Variants in GPBP1 observed in about 807,000 individuals in gnomAD.
The protein encoded by GPBP1 is GC-rich promoter binding protein 1.
In GPBP1, 13 loss-of-function variants were observed where a neutral mutation model predicts 56.5. The ratio of observed to expected loss-of-function variants is 0.23; its 90% CI spans 0.15 to 0.37. The LOEUF (loss-of-function observed/expected upper bound fraction) is 0.37, where lower values mean the gene tolerates loss of function less well. GPBP1 is among the 10% of genes least tolerant of loss of function. The probability of loss-of-function intolerance (pLI) is 1.00; values close to 1 mark genes in which losing one functional copy is unlikely to be tolerated. For missense variants in GPBP1, 477 were observed against 572.3 expected, an observed-to-expected ratio of 0.83 and a Z score of 1.70; for synonymous variants, 204 against 188.9, an observed-to-expected ratio of 1.08 and a Z score of -0.66.
At chr5:57,249,725 C>G in intron 9 of GPBP1, 149 bp downstream of exon 9, 1 of 530,292 alleles carries the variant, frequency 1.9e-6, no homozygotes, top group South Asian at 3.1e-5. Context: ...GGCTTCTCCC[C>G]TCCTCTCTCC....
intron 10 of GPBP1, among the ~76,000 whole-genome samples, chr5:57,257,386 T>G (rs1467120009): frequency 6.6e-6 from 1 of 152,214 alleles, no homozygotes; most frequent in Non-Finnish European, 1.5e-5. Context: ...ATATGAAATA[T>G]TCAATACTAA....
At chr5:57,231,847 TAAGC>T (rs1290774017) in intron 5 of GPBP1, among the ~76,000 whole-genome samples, 1 of 152,208 alleles carries the variant, frequency 6.6e-6, no homozygotes, top group African/African-American at 2.4e-5. Flanking sequence ...TTCTGTTCTC[TAAGC>T]AAGTAATATT....
At chr5:57,249,694 C>T in intron 9 of GPBP1, 118 bp downstream of exon 9, 1 of 807,284 alleles carries the variant, frequency 1.2e-6, no homozygotes, top group Non-Finnish European at 1.8e-6. Context: ...CTTGGAAAGC[C>T]ATTTGCATAA....
chr5:57,228,598 G>A (rs1756299204), intron 3 of GPBP1, among the ~76,000 whole-genome samples: 1 of 151,234 alleles, frequency 6.6e-6, no homozygotes, highest in Non-Finnish European at 1.5e-5. Flanking sequence ...ATATAGATCT[G>A]TCTCTAAGGG....
At chr5:57,212,411 A>G (rs975877429) in intron 2 of GPBP1, among the ~76,000 whole-genome samples, 83 of 152,196 alleles carry the variant, frequency 5.5e-4, no homozygotes, top group African/African-American at 1.9e-3. Context: ...ATTTAATGCC[A>G]ATAGAAATAA....
intron 2 of GPBP1, among the ~76,000 whole-genome samples, chr5:57,186,052 G>A (rs985854881): frequency 1.3e-5 from 2 of 152,108 alleles, no homozygotes; most frequent in African/African-American, 4.8e-5. Flanking sequence ...CTCTCAGACT[G>A]TGGTTTGTTT....
chr5:57,222,598 G>A (rs988683169), intron 3 of GPBP1, among the ~76,000 whole-genome samples: 3 of 151,826 alleles, frequency 2.0e-5, no homozygotes, highest in Non-Finnish European at 4.4e-5. Flanking sequence ...CTTTTTAGTG[G>A]CTGTGTAAAC....
chr5:57,188,216 G>T (rs1200967943), intron 2 of GPBP1, among the ~76,000 whole-genome samples: 2 of 150,228 alleles, frequency 1.3e-5, no homozygotes, highest in Admixed American at 1.3e-4. Flanking sequence ...TGCACTCTAG[G>T]CTGGGCGACA....
chr5:57,257,027 AGTTTTT>A (rs1383135533), intron 10 of GPBP1, among the ~76,000 whole-genome samples: 5 of 151,426 alleles, frequency 3.3e-5, no homozygotes, highest in Admixed American at 6.6e-5. Flanking sequence ...GGGCAGTGAT[AGTTTTT>A]GTTTTTGTTT....
At chr5:57,205,846 A>G (rs1408441275) in intron 2 of GPBP1, among the ~76,000 whole-genome samples, 1 of 152,078 alleles carries the variant, frequency 6.6e-6, no homozygotes. Context: ...TCACTGCAGT[A>G]CCCACCTCCT....
chr5:57,217,870 A>G (rs540807596), intron 3 of GPBP1, among the ~76,000 whole-genome samples: 200 of 152,198 alleles, frequency 1.3e-3, no homozygotes, highest in African/African-American at 4.5e-3. Flanking sequence ...AGTAAATTAA[A>G]TAAATGAAAA....
intron 10 of GPBP1, among the ~76,000 whole-genome samples, chr5:57,256,892 G>C (rs780049546): frequency 9.2e-5 from 14 of 152,022 alleles, no homozygotes; most frequent in Non-Finnish European, 1.8e-4. Flanking sequence ...TTAGATTTTA[G>C]GGGTTTTTTT....
rs1753781163 is a variant in GPBP1, at chr5:57,176,159, A to G, written c.-299A>G. 1.0e-5 allele frequency: 4 copies of G among 395,786 alleles called. No homozygotes were observed. The East Asian group carries it at 1.1e-4, about 11-fold the overall frequency. The allele number at this position is 395,786 out of a possible 1,614,324, so 24.5% of individuals were successfully genotyped here. On this transcript the variant is annotated 5_prime_UTR_variant, in exon 2 of 12. An upstream open reading frame in the 5' UTR loses its in-frame stop. Coordinates refer to ENST00000506184, the MANE Select transcript of GPBP1 (RefSeq NM_022913.4). ...ACAACAGTGGCAAGTACATGGAATA[A>G]TAAAGAAGACTTTGATCTTAAATCT...
chr5:57,200,330 A>G (rs1754957156), intron 2 of GPBP1, among the ~76,000 whole-genome samples: 1 of 136,644 alleles, frequency 7.3e-6, no homozygotes, highest in Middle Eastern at 4.0e-3. Context: ...AAAGCATTGT[A>G]GTTTTTGTGT....
At chr5:57,209,286 A>G (rs959738714) in intron 2 of GPBP1, among the ~76,000 whole-genome samples, 2 of 152,006 alleles carry the variant, frequency 1.3e-5, no homozygotes, top group Non-Finnish European at 2.9e-5. Context: ...TTCCTTCCCA[A>G]TTTGGATGCC....
intron 2 of GPBP1, among the ~76,000 whole-genome samples, chr5:57,200,067 C>T (rs1374231402): frequency 2.9e-5 from 3 of 102,292 alleles, no homozygotes. Context: ...AAGTCTTGCT[C>T]TGTCTGTGGC....
Position 57,246,303 on chromosome 5 carries a change from AT to A in GPBP1, c.483del (p.Pro162LeufsTer29). 6.2e-7 allele frequency: 1 copy of A among 1,610,180 alleles called. No individual in the cohort carries two copies. The highest frequency in any genetic ancestry group is 8.5e-7 in the Non-Finnish European group (1 of 1,177,846). On this transcript the variant is annotated frameshift_variant, in exon 7 of 12. Transcript: ENST00000506184. LOFTEE classifies it high-confidence loss of function. ...TGGTCATGCTTTATTTATGCAGAAT[AT>A]CCTCCGAATCCTAAATCTAGAGCTC... ...NKSLAAGVWE[Y>X]PPNPKSRAPR...
chr5:57,191,281 G>C (rs961696878), intron 2 of GPBP1, among the ~76,000 whole-genome samples: 8 of 151,792 alleles, frequency 5.3e-5, no homozygotes, highest in Non-Finnish European at 1.2e-4. Context: ...TTTTAGTAGA[G>C]GCAGGTTTCG....
rs1742024422 is a variant in GPBP1 at position 57,264,258 on chromosome 5, A to G, written c.*1506A>G. 1 of 152,192 alleles carries G rather than the reference A, an allele frequency of 6.6e-6. No homozygotes were observed. Among genetic ancestry groups the G allele is most frequent in the South Asian group, 2.1e-4 (1 of 4,838 alleles). The allele number at this position is 152,192 out of a possible 1,614,324, so 9.4% of individuals were successfully genotyped here. Reference sequence around the variant, plus strand: ...TATACTTAAAATAAGGTTTCACTATATAATTTGTCACAATTCAATCTAATC... The same window carrying G: ...TATACTTAAAATAAGGTTTCACTATGTAATTTGTCACAATTCAATCTAATC... On this transcript the variant is annotated 3_prime_UTR_variant, in exon 12 of 12. Coordinates refer to ENST00000506184, the MANE Select transcript of GPBP1 (RefSeq NM_022913.4).
Sources: allele counts gnomAD v4.1 joint callset (sites outside exome capture counted in the v4.1 genomes callset), GRCh38; gene constraint gnomAD v4.1.1; transcripts MANE v1.5; gene names NCBI Gene and HGNC (gene_info 2026-07-23, HGNC 2026-07-21).